The following ZFPM2 variants were observed in gnomAD, a reference collection of about 807,000 sequenced individuals.
ZFPM2 encodes the protein zinc finger protein, FOG family member 2.
In ZFPM2, 20 loss-of-function variants were observed where a neutral mutation model predicts 98.6. That is an observed-to-expected ratio of 0.20 (90% CI 0.14 to 0.29). The LOEUF is 0.29. Ranked by LOEUF, ZFPM2 falls within the 10% of genes least tolerant of loss-of-function variation. The probability of loss-of-function intolerance (pLI) is 1.00; values close to 1 mark genes in which losing one functional copy is unlikely to be tolerated. For missense variants in ZFPM2, 1,310 were observed against 1,388.6 expected, an observed-to-expected ratio of 0.94 and a Z score of 0.90; for synonymous variants, 518 against 502.7, an observed-to-expected ratio of 1.03 and a Z score of -0.41.
chr8:105,596,682 C>T (rs574990296), intron 4 of ZFPM2, among the ~76,000 whole-genome samples: 1 of 144,300 alleles, frequency 6.9e-6, no homozygotes, highest in South Asian at 2.2e-4. Context: ...TTCTAGTCAT[C>T]GTATAAAGCA....
chr8:105,622,428 A>G (rs1290293631), intron 4 of ZFPM2, among the ~76,000 whole-genome samples: 2 of 152,204 alleles, frequency 1.3e-5, no homozygotes, highest in African/African-American at 4.8e-5. Flanking sequence ...TTAAGAAATT[A>G]AATATTTTAA....
At chr8:105,710,666 TGTGTG>T (rs1811365086) in intron 5 of ZFPM2, among the ~76,000 whole-genome samples, 3 of 1,054 alleles carry the variant, frequency 2.8e-3, no homozygotes, top group Admixed American at 9.8e-3. Context: ...CACAAAATTG[TGTGTG>T]TGTGTGTGTG....
intron 3 of ZFPM2, among the ~76,000 whole-genome samples, chr8:105,469,589 C>T (rs1720672843): frequency 6.6e-6 from 1 of 152,196 alleles, no homozygotes; most frequent in African/African-American, 2.4e-5. Flanking sequence ...TCGTCACCTT[C>T]TAGCTCTGAG....
At chr8:105,471,137 G>C (rs1284922416) in intron 3 of ZFPM2, among the ~76,000 whole-genome samples, 2 of 152,082 alleles carry the variant, frequency 1.3e-5, no homozygotes, top group African/African-American at 4.8e-5. Context: ...CACTGCGTTA[G>C]GGATGTTCTC....
intron 1 of ZFPM2, among the ~76,000 whole-genome samples, chr8:105,322,221 A>G (rs576916502): frequency 2.0e-5 from 3 of 152,236 alleles, no homozygotes; most frequent in Admixed American, 1.3e-4. Flanking sequence ...TAAATTGCCC[A>G]GATTGTTCTC....
At position 105,377,612 on chromosome 8, in the gene ZFPM2, A is replaced by C. The variant is rs1480431742; in HGVS notation, c.41-41532A>C. Among the ~76,000 whole-genome samples the C allele has an allele frequency of 1.5e-4, 22 of 144,078 alleles. No homozygotes were observed. The East Asian group carries it at 1.6e-3, about 10-fold the overall frequency. 94.5% of individuals were successfully genotyped at this position (144,078 alleles called of 152,430 possible). ...CCCCGTTTTTCTTAAAAATCCAAAA[A>C]AAAAAAAAAAAAAAAAAAAAAGCCA... On this transcript the variant is annotated intron_variant, in intron 1 of 7. Coordinates refer to ENST00000407775, the MANE Select transcript of ZFPM2 (RefSeq NM_012082.4).
chr8:105,348,979 T>C (rs1812589813), intron 1 of ZFPM2, among the ~76,000 whole-genome samples: 1 of 152,210 alleles, frequency 6.6e-6, no homozygotes, highest in African/African-American at 2.4e-5. Context: ...AAAATGTTTG[T>C]AAATATTTGT....
At chr8:105,531,364 G>A (rs748059253) in intron 3 of ZFPM2, among the ~76,000 whole-genome samples, 4 of 151,998 alleles carry the variant, frequency 2.6e-5, no homozygotes, top group African/African-American at 7.2e-5. Flanking sequence ...CTAGATTCTC[G>A]TCATTTACAG....
At chr8:105,796,473 G>T (rs149739011) in intron 6 of ZFPM2, among the ~76,000 whole-genome samples, 8 of 152,138 alleles carry the variant, frequency 5.3e-5, no homozygotes, top group Non-Finnish European at 1.2e-4. Flanking sequence ...AATTAACTTG[G>T]AAGGGAAGGG....
chr8:105,709,516 A>G (rs1298054674), intron 5 of ZFPM2, among the ~76,000 whole-genome samples: 1 of 152,126 alleles, frequency 6.6e-6, no homozygotes, highest in Non-Finnish European at 1.5e-5. Context: ...CAGATTACAC[A>G]GCTCAGCTCA....
At chr8:105,319,025 A>G in intron 1 of ZFPM2, 44 bp downstream of exon 1, 2 of 1,476,070 alleles carry the variant, frequency 1.4e-6, no homozygotes, top group East Asian at 2.9e-5. Flanking sequence ...ATTATTGCCC[A>G]GGAGCGGGGT....
chr8:105,649,088 C>G (rs542422711), intron 5 of ZFPM2, among the ~76,000 whole-genome samples: 2 of 152,168 alleles, frequency 1.3e-5, no homozygotes, highest in South Asian at 4.1e-4. Context: ...TGAAGAGGTC[C>G]TTCACATCCC....
chr8:105,689,732 T>A (rs1174861334), intron 5 of ZFPM2, among the ~76,000 whole-genome samples: 1 of 152,164 alleles, frequency 6.6e-6, no homozygotes, highest in African/African-American at 2.4e-5. Context: ...TGGCATTTTT[T>A]AAAAAAGTGA....
At chr8:105,380,645 TTA>T (rs1192936685) in intron 1 of ZFPM2, among the ~76,000 whole-genome samples, 1,157 of 25,664 alleles carry the variant, frequency 0.045, 80 homozygotes, top group African/African-American at 0.069. Context: ...TATATATATA[TTA>T]TATATATATA....
chr8:105,730,312 C>T (rs1811900302), intron 5 of ZFPM2, among the ~76,000 whole-genome samples: 1 of 151,744 alleles, frequency 6.6e-6, no homozygotes, highest in South Asian at 2.1e-4. Context: ...CAATCAAAGA[C>T]AGAAACTCAT....
intron 5 of ZFPM2, among the ~76,000 whole-genome samples, chr8:105,767,090 T>G (rs1450737456): frequency 2.0e-5 from 3 of 151,868 alleles, no homozygotes; most frequent in African/African-American, 4.8e-5. Flanking sequence ...TACAATCTCA[T>G]GATCACAATA....
In ZFPM2 at chr8:105,527,264, TC is replaced by T. The variant is rs1237382216; in HGVS notation, c.302-34097del. Reference sequence around the variant, plus strand: ...TCAATCTGTGAACTCTCAAGTGTTTTCCTTAAAACTCTAAAAGAGCCTCTGC... The same window carrying T: ...TCAATCTGTGAACTCTCAAGTGTTTTCTTAAAACTCTAAAAGAGCCTCTGC... On this transcript the variant is annotated intron_variant, in intron 3 of 7. Transcript: ENST00000407775. 2.0e-5 allele frequency among the ~76,000 whole-genome samples: 3 copies of T among 152,174 alleles called. No homozygotes were observed. The East Asian group carries it at 5.8e-4, about 29-fold the overall frequency.
At chr8:105,379,622 G>A (rs761864947) in intron 1 of ZFPM2, among the ~76,000 whole-genome samples, 12 of 151,866 alleles carry the variant, frequency 7.9e-5, no homozygotes, top group African/African-American at 1.9e-4. Flanking sequence ...GCGGGGTGGC[G>A]GATACCTGTA....
chr8:105,691,491 A>G lies in ZFPM2; in HGVS notation c.532+57134A>G, dbSNP rs1586200711. ...TCTCGATCTCCTGACCTCATGATCC[A>G]CCCGCCTCGGCCTCCCAAAGTGCTG... is the stretch of plus-strand genomic sequence containing the variant. On this transcript the variant is annotated intron_variant, in intron 5 of 7. Transcript: ENST00000407775. Among the ~76,000 whole-genome samples the G allele has an allele frequency of 2.0e-5, 3 of 147,780 alleles. No individual in the cohort carries two copies. In the South Asian group the frequency reaches 6.5e-4, roughly 32 times the overall value.
Sources: allele counts gnomAD v4.1 joint callset (sites outside exome capture counted in the v4.1 genomes callset), GRCh38; gene constraint gnomAD v4.1.1; transcripts MANE v1.5; gene names NCBI Gene and HGNC (gene_info 2026-07-23, HGNC 2026-07-21).